Variants in WWP1 observed in about 807,000 individuals in gnomAD.
WWP1 encodes the protein NEDD4-like E3 ubiquitin-protein ligase WWP1.
Under a neutral mutation model 130.6 loss-of-function variants are expected in WWP1, and 49 were observed. The ratio of observed to expected loss-of-function variants is 0.38; its 90% CI spans 0.30 to 0.48. WWP1 has a LOEUF of 0.48. Ranked by LOEUF, WWP1 falls within the 20% of genes least tolerant of loss-of-function variation. The pLI, the probability that WWP1 is intolerant of heterozygous loss-of-function variation, is 0.99. For missense variants in WWP1, 809 were observed against 1,100.6 expected, an observed-to-expected ratio of 0.74 and a Z score of 3.75; for synonymous variants, 332 against 367.8, an observed-to-expected ratio of 0.90 and a Z score of 1.11.
intron 14 of WWP1, 62 bp downstream of exon 14, chr8:86,431,805 C>G: frequency 1.9e-6 from 3 of 1,587,938 alleles, no homozygotes; most frequent in Non-Finnish European, 2.6e-6. Flanking sequence ...GATTTAGTCT[C>G]TAATTTATCC....
rs552519461 is a variant in WWP1 at position 86,390,423 on chromosome 8, G to T, written c.335-7919G>T. 2.6e-5 allele frequency among the ~76,000 whole-genome samples: 4 copies of T among 152,276 alleles called. No homozygotes were observed. In the East Asian group the frequency reaches 7.7e-4, roughly 29 times the overall value. On this transcript the variant is annotated intron_variant, in intron 5 of 24. Coordinates refer to ENST00000517970, the MANE Select transcript of WWP1 (RefSeq NM_007013.4). ...GGGCAAGATTGAGCACTGAGTGAGC[G>T]AGACTCCGTCTGCAATCCCGGCACT...
chr8:86,426,006 T>G (rs1809604125), intron 10 of WWP1, among the ~76,000 whole-genome samples: 2 of 152,202 alleles, frequency 1.3e-5, no homozygotes, highest in Non-Finnish European at 2.9e-5. Context: ...CAGATTCAAT[T>G]TAAAGCCCAC....
At chr8:86,357,705 T>G (rs1350376070) in intron 1 of WWP1, among the ~76,000 whole-genome samples, 1 of 152,210 alleles carries the variant, frequency 6.6e-6, no homozygotes, top group Non-Finnish European at 1.5e-5. Context: ...TAGCTATAAT[T>G]TGTTTTGTGT....
In WWP1 at chr8:86,389,703, C is replaced by T. The variant is rs551816954; in HGVS notation, c.334+8074C>T. On this transcript the variant is annotated intron_variant, in intron 5 of 24. Coordinates refer to ENST00000517970, the MANE Select transcript of WWP1 (RefSeq NM_007013.4). ...CCAGACGGGGTGGCGGCCAGGCAGA[C>T]GGGCTCCTCACTTCCCAGACGGGGC... 3.2e-3 allele frequency among the ~76,000 whole-genome samples: 481 copies of T among 150,510 alleles called. 2 individuals carry two copies. Among genetic ancestry groups the T allele is most frequent in the African/African-American group, 0.011 (453 of 41,036 alleles).
intron 5 of WWP1, among the ~76,000 whole-genome samples, chr8:86,396,590 TTC>T (rs1416795750): frequency 1.3e-5 from 2 of 151,202 alleles, no homozygotes; most frequent in Non-Finnish European, 2.9e-5. Flanking sequence ...TGCAAAGAAT[TTC>T]TTTTTCTTCT....
At chr8:86,420,107 G>A (rs1809117145) in intron 9 of WWP1, among the ~76,000 whole-genome samples, 1 of 152,166 alleles carries the variant, frequency 6.6e-6, no homozygotes, top group Non-Finnish European at 1.5e-5. Context: ...ACTGGGTAGT[G>A]AAAGTAAAAG....
At position 86,396,296 on chromosome 8, in the gene WWP1, T is replaced by C. The variant is rs184202003; in HGVS notation, c.335-2046T>C. The stretch of plus-strand genomic sequence containing the variant: ...TTGTATTTTTTGTAGAGACGGGGTT[T>C]CACCACGTTGGCCAGGATGGTCTTG... On this transcript the variant is annotated intron_variant, in intron 5 of 24. Transcript: ENST00000517970. Among the ~76,000 whole-genome samples, 265 of 152,226 alleles carry C rather than the reference T, an allele frequency of 1.7e-3. 1 individual carries two copies. In the Middle Eastern group the frequency reaches 0.024, roughly 14 times the overall value.
rs1475845429 is a variant in WWP1 at position 86,411,602 on chromosome 8, G to A, written c.789G>A (p.Val263=). The A allele has an allele frequency of 6.2e-7, 1 of 1,614,110 alleles. No individual in the cohort carries two copies. Among genetic ancestry groups the A allele is most frequent in the East Asian group, 2.2e-5 (1 of 44,884 alleles). The change falls in exon 9 of 25, where the codon GTG becomes GTA. Residue 263 remains valine (V), a synonymous_variant. Transcript: ENST00000517970. The part of the protein sequence containing the change: ...DNASVTGTPV[V]SEENALSPNC... The stretch of plus-strand genomic sequence containing the variant: ...CGTCTGTCACGGGTACTCCAGTAGT[G>A]TCTGAAGAAAATGCCTTGTCTCCAA...
chr8:86,410,432 A>G (rs899490696), intron 8 of WWP1, among the ~76,000 whole-genome samples: 1 of 152,106 alleles, frequency 6.6e-6, no homozygotes, highest in African/African-American at 2.4e-5. Context: ...GGTATTTCTA[A>G]TGTTATTTAT....
intron 1 of WWP1, among the ~76,000 whole-genome samples, chr8:86,358,480 GT>G (rs11292432): frequency 5.7e-4 from 13 of 22,974 alleles, no homozygotes; most frequent in East Asian, 1.3e-3. Flanking sequence ...TTATTGAGGA[GT>G]TTTTTTTTTT....
At chr8:86,450,376 C>G (rs544262070) in intron 20 of WWP1, among the ~76,000 whole-genome samples, 1 of 152,292 alleles carries the variant, frequency 6.6e-6, no homozygotes, top group African/African-American at 2.4e-5. Flanking sequence ...AACAGTAACA[C>G]TATATTTTGA....
intron 9 of WWP1, among the ~76,000 whole-genome samples, chr8:86,418,976 CTCTT>C (rs1809043107): frequency 6.6e-6 from 1 of 152,122 alleles, no homozygotes; most frequent in Admixed American, 6.5e-5. Context: ...ATTATTATCA[CTCTT>C]TAATTAATCC....
At chr8:86,364,735 G>T (rs1161417359) in intron 1 of WWP1, among the ~76,000 whole-genome samples, 2 of 151,534 alleles carry the variant, frequency 1.3e-5, no homozygotes, top group African/African-American at 4.9e-5. Context: ...GAGTCCAATA[G>T]TTAGACCCTA....
chr8:86,392,293 G>A (rs1413229748), intron 5 of WWP1, among the ~76,000 whole-genome samples: 1 of 152,182 alleles, frequency 6.6e-6, no homozygotes, highest in Non-Finnish European at 1.5e-5. Context: ...ACCCATAGGT[G>A]AAAACCATAG....
In WWP1 at chr8:86,427,314, C is replaced by T. The variant is rs549407213; in HGVS notation, c.1158-329C>T. 7.2e-5 allele frequency among the ~76,000 whole-genome samples: 11 copies of T among 152,174 alleles called. No individual in the cohort carries two copies. In the East Asian group the frequency reaches 2.1e-3, roughly 29 times the overall value. ...TAAAACCTAGATGATGTGTTGATAG[C>T]TGCAGCAAACGACCATGGCACATGT... On this transcript the variant is annotated intron_variant, in intron 10 of 24. Transcript: ENST00000517970.
At chr8:86,415,042 C>T (rs529516090) in intron 9 of WWP1, among the ~76,000 whole-genome samples, 3 of 151,874 alleles carry the variant, frequency 2.0e-5, no homozygotes, top group Non-Finnish European at 4.4e-5. Flanking sequence ...TACCTCATGC[C>T]GTATACCAAG....
At chr8:86,421,547 G>A (rs1182958877) in intron 9 of WWP1, among the ~76,000 whole-genome samples, 5 of 152,126 alleles carry the variant, frequency 3.3e-5, no homozygotes, top group East Asian at 1.9e-4. Context: ...AAAATAGGCC[G>A]GGCATGGTGG....
At chr8:86,384,302 G>A (rs531968221) in intron 5 of WWP1, among the ~76,000 whole-genome samples, 111 of 152,238 alleles carry the variant, frequency 7.3e-4, no homozygotes, top group African/African-American at 2.6e-3. Flanking sequence ...TTTATTTGAA[G>A]AATTAAATCT....
chr8:86,392,893 A>G (rs992219631), intron 5 of WWP1, among the ~76,000 whole-genome samples: 1 of 152,218 alleles, frequency 6.6e-6, no homozygotes, highest in African/African-American at 2.4e-5. Context: ...AAGGGAATGA[A>G]AAGTTTTCTG....
Sources: gnomAD v4.1 joint callset for allele counts (sites outside exome capture counted in the v4.1 genomes callset) on GRCh38, gnomAD v4.1.1 for gene constraint, MANE v1.5 for transcripts, NCBI Gene and HGNC (gene_info 2026-07-23, HGNC 2026-07-21) for gene names.